GRIN2B: variants seen among roughly 807,000 people sequenced by gnomAD.
GRIN2B encodes the protein glutamate receptor ionotropic, NMDA 2B.
A neutral mutation model predicts 114.5 loss-of-function variants in GRIN2B; 5 were observed. The ratio of observed to expected loss-of-function variants is 0.04; its 90% CI spans 0.02 to 0.09. The LOEUF (loss-of-function observed/expected upper bound fraction) is 0.09, where lower values mean the gene tolerates loss of function less well. Ranked by LOEUF, GRIN2B falls within the 10% of genes least tolerant of loss-of-function variation. The pLI is 1.00. For missense variants in GRIN2B, 1,108 were observed against 1,943.5 expected, an observed-to-expected ratio of 0.57 and a Z score of 8.08; for synonymous variants, 787 against 745.1, an observed-to-expected ratio of 1.06 and a Z score of -0.92.
Position 13,563,204 on chromosome 12 carries a change from C to A in GRIN2B, c.4034G>T (p.Gly1345Val). ...PYAHMFEMSA[G>V]ESTFANNKSS... ...CTTGTTGTTGGCAAAGGTGCTCTCG[C>A]CAGCTGACATCTCAAACATGTGGGC... The change falls in exon 14 of 14, where the codon GGC becomes GTC. Residue 1345 changes from glycine to valine, a missense_variant. Physicochemically the swap from Gly to Val is moderately radical, Grantham distance 109. Transcript: ENST00000609686. 1 of 1,614,214 alleles carries A rather than the reference C, an allele frequency of 6.2e-7. No homozygotes were observed. The highest frequency in any genetic ancestry group is 8.5e-7 in the Non-Finnish European group (1 of 1,180,042).
intron 10 of GRIN2B, among the ~76,000 whole-genome samples, chr12:13,599,284 T>C (rs886770889): frequency 3.9e-5 from 6 of 152,154 alleles, no homozygotes; most frequent in Non-Finnish European, 8.8e-5. Context: ...CCCTAGCATA[T>C]GCCCAGCTAG....
rs143957840 is a variant in GRIN2B at position 13,735,181 on chromosome 12, G to T, written c.1010+18136C>A. On this transcript the variant is annotated intron_variant, in intron 4 of 13. Transcript: ENST00000609686. ...AATTCTTTATTATTTGCAGCACACAGAAATCTTATTTGAGCCAATAAAACA... is the reference window on the plus strand; with the variant it reads ...AATTCTTTATTATTTGCAGCACACATAAATCTTATTTGAGCCAATAAAACA... Among the ~76,000 whole-genome samples the T allele has an allele frequency of 1.7e-3, 257 of 152,312 alleles. 4 individuals are homozygous for T. Among genetic ancestry groups the T allele is most frequent in the African/African-American group, 5.6e-3 (232 of 41,592 alleles).
At chr12:13,942,110 A>G (rs1223170956) in intron 2 of GRIN2B, among the ~76,000 whole-genome samples, 1 of 152,080 alleles carries the variant, frequency 6.6e-6, no homozygotes. Flanking sequence ...GACCACCACC[A>G]TGTTACTTTT....
intron 3 of GRIN2B, among the ~76,000 whole-genome samples, chr12:13,809,353 C>T (rs1199704764): frequency 2.0e-5 from 3 of 152,188 alleles, no homozygotes; most frequent in African/African-American, 7.2e-5. Context: ...CCACTTTGTA[C>T]TAAGCATGTG....
At chr12:13,975,754 A>G (rs1863008364) in intron 2 of GRIN2B, among the ~76,000 whole-genome samples, 1 of 152,218 alleles carries the variant, frequency 6.6e-6, no homozygotes. Context: ...GCCCTTGAGG[A>G]GTGCACAAAC....
chr12:13,729,165 A>C (rs1031701142), intron 4 of GRIN2B, among the ~76,000 whole-genome samples: 1 of 152,238 alleles, frequency 6.6e-6, no homozygotes, highest in African/African-American at 2.4e-5. Context: ...CCTGTGCTTT[A>C]AACAAAGAAA....
chr12:13,943,947 G>A (rs1052025840), intron 2 of GRIN2B, among the ~76,000 whole-genome samples: 1 of 152,170 alleles, frequency 6.6e-6, no homozygotes, highest in African/African-American at 2.4e-5. Context: ...CACTAGAACA[G>A]TTCATGGCAC....
rs1243316607 is a variant in GRIN2B at position 13,540,241 on chromosome 12, T to A, written c.*22542A>T. On this transcript the variant is annotated 3_prime_UTR_variant, in exon 14 of 14. Coordinates refer to ENST00000609686, the MANE Select transcript of GRIN2B (RefSeq NM_000834.5). ...AAAAACTCTGATTCTGGATTTTTTT[T>A]AACCCTGATAATTTGTGGTAGGTTT... The A allele has an allele frequency of 6.6e-6, 1 of 152,226 alleles. No homozygotes were observed. The highest frequency in any genetic ancestry group is 2.1e-4 in the South Asian group (1 of 4,826). 9.4% of individuals were successfully genotyped at this position (152,226 alleles called of 1,614,324 possible).
intron 5 of GRIN2B, among the ~76,000 whole-genome samples, chr12:13,661,416 G>C (rs1457246214): frequency 6.6e-6 from 1 of 152,120 alleles, no homozygotes; most frequent in Non-Finnish European, 1.5e-5. Context: ...TGGAGATTCC[G>C]TGCAACACAG....
intron 5 of GRIN2B, among the ~76,000 whole-genome samples, chr12:13,638,166 G>A (rs1480761516): frequency 6.6e-6 from 1 of 152,006 alleles, no homozygotes; most frequent in African/African-American, 2.4e-5. Flanking sequence ...AAAGAAACTG[G>A]GCAAAAGCTC....
intron 3 of GRIN2B, among the ~76,000 whole-genome samples, chr12:13,858,393 C>T (rs975271456): frequency 9.2e-5 from 14 of 152,166 alleles, no homozygotes; most frequent in African/African-American, 3.1e-4. Flanking sequence ...TGTTACTCTC[C>T]TGCATGCTAG....
At chr12:13,618,963 GT>G (rs1295271205) in intron 5 of GRIN2B, among the ~76,000 whole-genome samples, 4 of 141,958 alleles carry the variant, frequency 2.8e-5, no homozygotes, top group African/African-American at 1.0e-4. Flanking sequence ...TTTGAAAGGA[GT>G]TTAAAATCTG....
At chr12:13,570,312 CAATAAAAATAATAACAGA>C (rs1565457258) in intron 11 of GRIN2B, among the ~76,000 whole-genome samples, 1 of 152,130 alleles carries the variant, frequency 6.6e-6, no homozygotes, top group Non-Finnish European at 1.5e-5. Context: ...AAAAAGGGAT[CAATAAAAATAATAACAGA>C]AATAATGAAA....
At chr12:13,869,539 T>A (rs1360754752) in intron 2 of GRIN2B, among the ~76,000 whole-genome samples, 1 of 152,192 alleles carries the variant, frequency 6.6e-6, no homozygotes, top group Non-Finnish European at 1.5e-5. Context: ...TATTGCCAGG[T>A]AAATTTCATG....
chr12:13,979,036 C>T (rs527334175), intron 2 of GRIN2B, among the ~76,000 whole-genome samples: 2 of 152,254 alleles, frequency 1.3e-5, no homozygotes, highest in East Asian at 1.9e-4. Flanking sequence ...CAAAGACTCA[C>T]GTGTCGAATT....
At chr12:13,817,685 A>T (rs1864852863) in intron 3 of GRIN2B, among the ~76,000 whole-genome samples, 1 of 152,228 alleles carries the variant, frequency 6.6e-6, no homozygotes, top group African/African-American at 2.4e-5. Flanking sequence ...AAATGTCCCC[A>T]GAATAACCCA....
At chr12:13,607,352 A>AATATATATTATATATT (rs1949282355) in intron 10 of GRIN2B, among the ~76,000 whole-genome samples, 1 of 29,846 alleles carries the variant, frequency 3.4e-5, no homozygotes, top group Non-Finnish European at 6.4e-5. Flanking sequence ...TAATATATAA[A>AATATATATTATATATT]ATATATAATA....
At chr12:13,714,947 T>C (rs1348350045) in intron 4 of GRIN2B, among the ~76,000 whole-genome samples, 1 of 151,854 alleles carries the variant, frequency 6.6e-6, no homozygotes, top group Non-Finnish European at 1.5e-5. Flanking sequence ...GTACTATCAC[T>C]TCATTATTCA....
At chr12:13,728,742 T>C (rs1291435249) in intron 4 of GRIN2B, among the ~76,000 whole-genome samples, 2 of 152,084 alleles carry the variant, frequency 1.3e-5, no homozygotes, top group African/African-American at 2.4e-5. Context: ...GATGGAAGGA[T>C]TGGTGGGTGG....
Sources: gnomAD v4.1 joint callset for allele counts (sites outside exome capture counted in the v4.1 genomes callset) on GRCh38, gnomAD v4.1.1 for gene constraint, MANE v1.5 for transcripts, NCBI Gene and HGNC (gene_info 2026-07-23, HGNC 2026-07-21) for gene names.